The following NCKAP5 variants were observed in gnomAD, a reference collection of about 807,000 sequenced individuals.
The protein encoded by NCKAP5 is NCK associated protein 5, also known as nck-associated protein 5.
A neutral mutation model predicts 167.0 loss-of-function variants in NCKAP5; 92 were observed. That is an observed-to-expected ratio of 0.55 (90% CI 0.47 to 0.66). The LOEUF (loss-of-function observed/expected upper bound fraction) is 0.66. Among genes scored for constraint, NCKAP5 ranks in the 30% least tolerant of loss-of-function variants. The pLI is 0.00. For synonymous variants in NCKAP5, 891 were observed against 877.4 expected, an observed-to-expected ratio of 1.02 and a Z score of -0.27; for missense variants, 2,378 against 2,315.0, an observed-to-expected ratio of 1.03 and a Z score of -0.56.
chr2:133,646,132 T>A, the NCKAP5 span, among the ~76,000 whole-genome samples: 2 of 152,042 alleles, frequency 1.3e-5, no homozygotes, highest in Non-Finnish European at 2.9e-5. Flanking sequence ...TGTAAACAAA[T>A]CTTTTTATTC....
At chr2:132,688,936 T>C (rs984696408) in intron 19 of NCKAP5, among the ~76,000 whole-genome samples, 1 of 133,392 alleles carries the variant, frequency 7.5e-6, no homozygotes. Context: ...CAGTGAGCCG[T>C]GATGGCACCA....
At chr2:133,053,837 T>A (rs1215910109) in intron 6 of NCKAP5, among the ~76,000 whole-genome samples, 1 of 152,170 alleles carries the variant, frequency 6.6e-6, no homozygotes, top group East Asian at 1.9e-4. Flanking sequence ...TCTTAAGTAA[T>A]CCATTTAAAC....
chr2:132,978,266 G>C (rs546281300), intron 7 of NCKAP5, among the ~76,000 whole-genome samples: 237 of 152,262 alleles, frequency 1.6e-3, no homozygotes, highest in South Asian at 3.7e-3. Context: ...TCCCGGAAAA[G>C]CTCTTCCAAA....
chr2:132,749,483 T>C (rs1030213028), intron 16 of NCKAP5, among the ~76,000 whole-genome samples: 2 of 152,132 alleles, frequency 1.3e-5, no homozygotes, highest in African/African-American at 4.8e-5. Context: ...GGATTACAGG[T>C]GCTGCACCCA....
At chr2:133,531,218 C>A (rs892853285) in intron 2 of NCKAP5, among the ~76,000 whole-genome samples, 8 of 151,582 alleles carry the variant, frequency 5.3e-5, no homozygotes, top group Non-Finnish European at 1.2e-4. Context: ...GCACAATGAC[C>A]CAAATTAATA....
At chr2:133,377,064 C>T (rs1015645235) in intron 3 of NCKAP5, among the ~76,000 whole-genome samples, 6 of 152,000 alleles carry the variant, frequency 3.9e-5, no homozygotes, top group Admixed American at 1.3e-4. Flanking sequence ...AACTAACATA[C>T]AAAAAAAGAA....
At chr2:133,320,620 C>T (rs761172506) in intron 3 of NCKAP5, among the ~76,000 whole-genome samples, 23 of 151,910 alleles carry the variant, frequency 1.5e-4, no homozygotes, top group Non-Finnish European at 2.9e-4. Context: ...CCCAGCTACT[C>T]GGGAGGCTGA....
intron 4 of NCKAP5, among the ~76,000 whole-genome samples, chr2:133,217,424 C>G: frequency 6.6e-6 from 1 of 152,100 alleles, no homozygotes; most frequent in East Asian, 1.9e-4. Context: ...ACTCTTTTCT[C>G]TGTATACTGA....
chr2:133,006,262 G>GA (rs1225439244), intron 6 of NCKAP5, among the ~76,000 whole-genome samples: 1 of 151,912 alleles, frequency 6.6e-6, no homozygotes, highest in African/African-American at 2.4e-5. Flanking sequence ...CTGTCTCAAA[G>GA]AAAAAGAAAA....
At chr2:133,043,763 C>T (rs571476468) in intron 6 of NCKAP5, among the ~76,000 whole-genome samples, 2 of 152,258 alleles carry the variant, frequency 1.3e-5, no homozygotes, top group East Asian at 3.9e-4. Flanking sequence ...TTTTCCCCAT[C>T]CGTCATGAGG....
chr2:132,890,923 G>A (rs976494382), intron 8 of NCKAP5, among the ~76,000 whole-genome samples: 1 of 152,140 alleles, frequency 6.6e-6, no homozygotes, highest in Non-Finnish European at 1.5e-5. Flanking sequence ...AAACAAATAC[G>A]TGTACCCATA....
chr2:133,527,688 T>A (rs1317537771), intron 2 of NCKAP5, among the ~76,000 whole-genome samples: 1 of 152,118 alleles, frequency 6.6e-6, no homozygotes, highest in Non-Finnish European at 1.5e-5. Flanking sequence ...CTCTAAGATG[T>A]TTATCTTTTT....
At chr2:133,470,057 A>C (rs1447011327) in intron 3 of NCKAP5, among the ~76,000 whole-genome samples, 4 of 152,056 alleles carry the variant, frequency 2.6e-5, no homozygotes, top group Non-Finnish European at 5.9e-5. Flanking sequence ...CTGGTGAGGA[A>C]CTGCGTTCCT....
chr2:133,566,601 G>A (rs191596951), intron 1 of NCKAP5, among the ~76,000 whole-genome samples: 24 of 152,180 alleles, frequency 1.6e-4, no homozygotes, highest in African/African-American at 4.8e-4. Flanking sequence ...CATAGGAACC[G>A]CGTGTGGGTC....
rs76515835 is a variant in NCKAP5, at chr2:133,355,877, C to G, written c.70-52767G>C. ...TGAATTTGATCTTTGAGCAAAAGTA[C>G]CCTCAGGAAAACTATCATTTTGCTG... On this transcript the variant is annotated intron_variant, in intron 3 of 19. Coordinates refer to ENST00000409261, the MANE Select transcript of NCKAP5 (RefSeq NM_207363.3). Among the ~76,000 whole-genome samples the G allele has an allele frequency of 2.3e-4, 35 of 152,166 alleles. No homozygotes were observed. The East Asian group carries it at 6.6e-3, about 29-fold the overall frequency.
chr2:133,215,951 T>C (rs893564218), intron 4 of NCKAP5, among the ~76,000 whole-genome samples: 10 of 152,136 alleles, frequency 6.6e-5, no homozygotes, highest in Admixed American at 5.9e-4. Context: ...GAACAAAAAT[T>C]AATTATATTT....
At chr2:133,542,584 G>T (rs1432204780) in intron 2 of NCKAP5, among the ~76,000 whole-genome samples, 1 of 152,148 alleles carries the variant, frequency 6.6e-6, no homozygotes, top group Non-Finnish European at 1.5e-5. Context: ...CAGTGAAATC[G>T]CAGTTCTCCT....
chr2:133,420,125 C>T (rs1266361253), intron 3 of NCKAP5, among the ~76,000 whole-genome samples: 1 of 152,166 alleles, frequency 6.6e-6, no homozygotes, highest in Non-Finnish European at 1.5e-5. Context: ...TTTTAAGACA[C>T]TATTAAAAAG....
chr2:132,752,708 T>C (rs946595744), intron 16 of NCKAP5, among the ~76,000 whole-genome samples: 5 of 152,154 alleles, frequency 3.3e-5, no homozygotes, highest in African/African-American at 4.8e-5. Flanking sequence ...ACAGAACCAA[T>C]AGAAGATGTG....
Sources: allele counts gnomAD v4.1 joint callset (sites outside exome capture counted in the v4.1 genomes callset), GRCh38; gene constraint gnomAD v4.1.1; transcripts MANE v1.5; gene names NCBI Gene and HGNC (gene_info 2026-07-23, HGNC 2026-07-21).